NDUFV2: variants seen among roughly 807,000 people sequenced by gnomAD.
The protein encoded by NDUFV2 is NADH dehydrogenase [ubiquinone] flavoprotein 2, mitochondrial.
In NDUFV2, 18 loss-of-function variants were observed where a neutral mutation model predicts 31.6. The ratio of observed to expected loss-of-function variants is 0.57; its 90% CI spans 0.39 to 0.84. NDUFV2 has a LOEUF of 0.84. Among genes scored for constraint, NDUFV2 ranks in the 40% least tolerant of loss-of-function variants. The pLI, the probability that NDUFV2 is intolerant of heterozygous loss-of-function variation, is 0.00. For missense variants in NDUFV2, 314 were observed against 303.6 expected (o/e 1.03, Z -0.26); for synonymous variants, 83 against 99.8 (o/e 0.83, Z 1.01).
intron 5 of NDUFV2, among the ~76,000 whole-genome samples, chr18:9,123,883 T>C (rs1386611290): frequency 6.6e-6 from 1 of 152,224 alleles, no homozygotes; most frequent in Non-Finnish European, 1.5e-5. Context: ...TTACAAGAAG[T>C]AGAATTGTAG....
At chr18:9,129,232 C>T (rs750949303) in intron 7 of NDUFV2, among the ~76,000 whole-genome samples, 4 of 152,156 alleles carry the variant, frequency 2.6e-5, no homozygotes, top group Non-Finnish European at 5.9e-5. Context: ...TGAGCCACCA[C>T]GCCCGGCCAC....
intron 1 of NDUFV2, among the ~76,000 whole-genome samples, chr18:9,113,209 AAT>A (rs2077880533): frequency 1.3e-5 from 2 of 152,212 alleles, no homozygotes; most frequent in Admixed American, 1.3e-4. Context: ...GAAAGTGTTT[AAT>A]ATTCTGCCTG....
chr18:9,122,730 C>A, intron 5 of NDUFV2, 49 bp downstream of exon 5: 1 of 1,589,826 alleles, frequency 6.3e-7, no homozygotes, highest in Non-Finnish European at 8.6e-7. Flanking sequence ...AGAATTGTCT[C>A]TCTAGATTTG....
chr18:9,104,585 T>G (rs1242224220), intron 1 of NDUFV2, among the ~76,000 whole-genome samples: 2 of 152,196 alleles, frequency 1.3e-5, no homozygotes, highest in Non-Finnish European at 2.9e-5. Context: ...AAAAGCAGTT[T>G]TAATGAAAAA....
At chr18:9,131,092 T>G (rs963077422) in intron 7 of NDUFV2, among the ~76,000 whole-genome samples, 1 of 152,236 alleles carries the variant, frequency 6.6e-6, no homozygotes, top group African/African-American at 2.4e-5. Flanking sequence ...TTTTGCATGT[T>G]GTCTGTATTA....
chr18:9,111,197 A>G (rs2077868294), intron 1 of NDUFV2, among the ~76,000 whole-genome samples: 1 of 152,202 alleles, frequency 6.6e-6, no homozygotes, highest in Non-Finnish European at 1.5e-5. Flanking sequence ...AGGATCTAAC[A>G]TAATTTCTGC....
At chr18:9,134,122 T>TA in intron 7 of NDUFV2, 64 bp from the exon 8 acceptor site, 1 of 1,295,976 alleles carries the variant, frequency 7.7e-7, no homozygotes, top group Middle Eastern at 1.9e-4. Context: ...AGGTAACCAT[T>TA]ACAATTTAAG....
At chr18:9,132,652 ATTGT>A (rs1415985795) in intron 7 of NDUFV2, among the ~76,000 whole-genome samples, 6 of 152,296 alleles carry the variant, frequency 3.9e-5, no homozygotes, top group African/African-American at 9.6e-5. Context: ...AGGCGGACAG[ATTGT>A]TTGAGCCCAC....
chr18:9,105,118 C>T, intron 1 of NDUFV2: 2 of 900,664 alleles, frequency 2.2e-6, no homozygotes, highest in Non-Finnish European at 3.0e-6. Context: ...TACAACCAGG[C>T]CCTTCTAACC....
intron 7 of NDUFV2, among the ~76,000 whole-genome samples, chr18:9,131,009 T>C (rs73390117): frequency 0.036 from 5,488 of 152,314 alleles, 318 homozygotes; most frequent in African/African-American, 0.12. Context: ...TGTGTAACTT[T>C]TGACTCCTCC....
chr18:9,116,986 G>A (rs973508736), intron 1 of NDUFV2, among the ~76,000 whole-genome samples: 1 of 151,936 alleles, frequency 6.6e-6, no homozygotes, highest in African/African-American at 2.4e-5. Flanking sequence ...TCCTTCCAAA[G>A]CAACTGAACA....
intron 1 of NDUFV2, chr18:9,103,070 TG>T (rs2077823103): frequency 2.4e-6 from 1 of 422,778 alleles, no homozygotes; most frequent in South Asian, 6.7e-5. Flanking sequence ...TATGTTTGTT[TG>T]TTTTTGCTGT....
At chr18:9,117,766 C>T in intron 1 of NDUFV2, 72 bp from the exon 2 acceptor site, 2 of 846,682 alleles carry the variant, frequency 2.4e-6, no homozygotes, top group Admixed American at 1.8e-5. Context: ...ATTATGAATC[C>T]TAAAGTATTT....
intron 1 of NDUFV2, among the ~76,000 whole-genome samples, chr18:9,112,017 GTTTT>G (rs10659823): frequency 1.6e-5 from 2 of 122,380 alleles, no homozygotes; most frequent in Non-Finnish European, 3.3e-5. Context: ...CATCAGAAGG[GTTTT>G]TTTTTTTTTT....
intron 1 of NDUFV2, among the ~76,000 whole-genome samples, chr18:9,116,609 CGT>C (rs1251889982): frequency 1.3e-5 from 2 of 152,166 alleles, no homozygotes; most frequent in East Asian, 3.8e-4. Context: ...ATCTTTTGTA[CGT>C]GTGTCTCACA....
intron 1 of NDUFV2, chr18:9,104,255 A>G (rs1430511330): frequency 6.2e-7 from 1 of 1,612,668 alleles, no homozygotes; most frequent in Admixed American, 1.7e-5. Context: ...GAAATAAGGG[A>G]GAGACAGGGG....
chr18:9,102,754 C>G lies in NDUFV2; in HGVS notation c.11C>G (p.Ser4Cys), dbSNP rs777760311. Reference protein sequence around the residue: MFFSAALRARAAGL... With the variant: MFFCAALRARAAGL... ...ACAGTGTGGCCCGCCATGTTCTTCT[C>G]CGCGGCGCTCCGGGCCCGGGCGGCT... The change falls in exon 1 of 8, where the codon TCC (serine) becomes TGC (cysteine). Residue 4 changes from serine to cysteine, a missense_variant. Physicochemically the swap from Ser to Cys is moderately radical, Grantham distance 112. Transcript: ENST00000318388. The G allele has an allele frequency of 1.9e-6, 3 of 1,587,988 alleles. No homozygotes were observed. The African/African-American group carries it at 4.1e-5, about 21-fold the overall frequency.
chr18:9,111,681 A>G (rs1247337681), intron 1 of NDUFV2, among the ~76,000 whole-genome samples: 1 of 152,068 alleles, frequency 6.6e-6, no homozygotes, highest in East Asian at 1.9e-4. Context: ...CGTCCGCCTC[A>G]GCCTCCTAAA....
chr18:9,124,424 A>G (rs886486578), intron 5 of NDUFV2, among the ~76,000 whole-genome samples: 10 of 140,624 alleles, frequency 7.1e-5, no homozygotes, highest in African/African-American at 2.4e-4. Context: ...CACCTGGCCT[A>G]GGATTTTTTT....
Sources: allele counts gnomAD v4.1 joint callset (sites outside exome capture counted in the v4.1 genomes callset), GRCh38; gene constraint gnomAD v4.1.1; transcripts MANE v1.5; gene names NCBI Gene and HGNC (gene_info 2026-07-23, HGNC 2026-07-21).